Variants in XYLT1 observed in about 807,000 individuals in gnomAD.
The protein encoded by XYLT1 is beta-D-xylosyltransferase 1.
Under a neutral mutation model 91.3 loss-of-function variants are expected in XYLT1, and 36 were observed. The ratio of observed to expected loss-of-function variants is 0.39; its 90% CI spans 0.30 to 0.52. The LOEUF (loss-of-function observed/expected upper bound fraction) is 0.52, where lower values mean the gene tolerates loss of function less well. Ranked by LOEUF, XYLT1 falls within the 20% of genes least tolerant of loss-of-function variation. XYLT1 has a pLI of 0.68. For missense variants in XYLT1, 1,242 were observed against 1,284.5 expected, an observed-to-expected ratio of 0.97 and a Z score of 0.51; for synonymous variants, 588 against 532.0, an observed-to-expected ratio of 1.11 and a Z score of -1.45.
intron 1 of XYLT1, among the ~76,000 whole-genome samples, chr16:17,449,827 T>C (rs185777242): frequency 1.6e-4 from 25 of 152,334 alleles, no homozygotes; most frequent in Middle Eastern, 3.4e-3. Context: ...TGTTCTAGAA[T>C]ATCTTTGGCC....
chr16:17,393,871 G>A (rs2035852188), intron 1 of XYLT1, among the ~76,000 whole-genome samples: 1 of 152,018 alleles, frequency 6.6e-6, no homozygotes, highest in African/African-American at 2.4e-5. Flanking sequence ...CGCCTCCTGG[G>A]TTCACACCAT....
intron 2 of XYLT1, among the ~76,000 whole-genome samples, chr16:17,289,775 A>C (rs2034195202): frequency 6.6e-6 from 1 of 152,234 alleles, no homozygotes; most frequent in African/African-American, 2.4e-5. Context: ...AAAACAAAAC[A>C]AACGCAAACA....
chr16:17,142,290 G>A (rs1167483287), intron 6 of XYLT1, among the ~76,000 whole-genome samples: 4 of 152,184 alleles, frequency 2.6e-5, no homozygotes. Flanking sequence ...CTCTCAAAGT[G>A]CTGGGATTAT....
intron 3 of XYLT1, among the ~76,000 whole-genome samples, chr16:17,239,580 A>T: frequency 7.0e-6 from 1 of 141,896 alleles, no homozygotes; most frequent in Non-Finnish European, 1.5e-5. Context: ...CCATCCATCC[A>T]CTCACCTAGT....
intron 5 of XYLT1, among the ~76,000 whole-genome samples, chr16:17,176,767 A>T (rs754901893): frequency 6.6e-6 from 1 of 152,162 alleles, no homozygotes; most frequent in Non-Finnish European, 1.5e-5. Flanking sequence ...TATAATGTAC[A>T]TATCTACTAG....
intron 2 of XYLT1, among the ~76,000 whole-genome samples, chr16:17,274,729 A>G (rs1426958767): frequency 6.6e-6 from 1 of 152,154 alleles, no homozygotes; most frequent in East Asian, 1.9e-4. Context: ...AGACAAAGGA[A>G]AAAAGGGCTT....
chr16:17,133,964 G>C lies in XYLT1; in HGVS notation c.2027+509C>G, dbSNP rs372589969. Among the ~76,000 whole-genome samples the C allele has an allele frequency of 1.8e-4, 27 of 152,266 alleles. No homozygotes were observed. In the South Asian group the frequency reaches 5.6e-3, roughly 32 times the overall value. On this transcript the variant is annotated intron_variant, in intron 9 of 11. Coordinates refer to ENST00000261381, the MANE Select transcript of XYLT1 (RefSeq NM_022166.4). ...AGAGATACATTATTAAAATATTGAT[G>C]GCTGAAATGATAGGATGTCTGGGAT...
intron 1 of XYLT1, among the ~76,000 whole-genome samples, chr16:17,376,114 GTGCTTTCACGACC>G (rs1488116048): frequency 2.0e-5 from 3 of 152,252 alleles, no homozygotes; most frequent in Non-Finnish European, 4.4e-5. Context: ...CCATCCCACT[GTGCTTTCACGACC>G]TGGTGGCAGT....
intron 2 of XYLT1, among the ~76,000 whole-genome samples, chr16:17,311,933 A>G (rs1051219114): frequency 4.6e-5 from 7 of 152,150 alleles, no homozygotes; most frequent in Admixed American, 1.3e-4. Context: ...AATATAGGGG[A>G]AACTGCCCCG....
At chr16:17,248,554 G>T (rs1235772548) in intron 3 of XYLT1, among the ~76,000 whole-genome samples, 1 of 152,016 alleles carries the variant, frequency 6.6e-6, no homozygotes, top group Non-Finnish European at 1.5e-5. Flanking sequence ...CTCCCCTGTT[G>T]GTCTTGTGAG....
At chr16:17,140,658 C>CAAAAAAAAAAAAAA (rs71137974) in intron 7 of XYLT1, among the ~76,000 whole-genome samples, 6 of 68,028 alleles carry the variant, frequency 8.8e-5, no homozygotes, top group Middle Eastern at 0.01. Flanking sequence ...AAGACTGTCT[C>CAAAAAAAAAAAAAA]AAAAAAAAAA....
chr16:17,239,811 T>C (rs2033318063), intron 3 of XYLT1, among the ~76,000 whole-genome samples: 1 of 152,154 alleles, frequency 6.6e-6, no homozygotes, highest in East Asian at 1.9e-4. Flanking sequence ...CATTCATCCA[T>C]CCTTTCATCT....
intron 2 of XYLT1, among the ~76,000 whole-genome samples, chr16:17,261,319 A>G (rs550801629): frequency 6.6e-6 from 1 of 150,558 alleles, no homozygotes; most frequent in East Asian, 2.0e-4. Flanking sequence ...AATTTCTCCT[A>G]TTTGTTGGAG....
intron 3 of XYLT1, among the ~76,000 whole-genome samples, chr16:17,202,267 C>G (rs1477191020): frequency 6.6e-6 from 1 of 152,172 alleles, no homozygotes; most frequent in African/African-American, 2.4e-5. Flanking sequence ...GAGATGGAGA[C>G]TGTGGGGCTG....
chr16:17,247,320 A>G (rs756559216), intron 3 of XYLT1, among the ~76,000 whole-genome samples: 1 of 151,966 alleles, frequency 6.6e-6, no homozygotes, highest in African/African-American at 2.4e-5. Context: ...TGCTCTTCGA[A>G]TCTCCATTCT....
rs2030706179 is a variant in XYLT1 at position 17,136,032 on chromosome 16, GTTA to G, written c.1765-1300_1765-1298del. The stretch of plus-strand genomic sequence containing the variant: ...CTTGAGGAGCTTATTATTGTCTAGT[GTTA>G]TTATTGACCTAAAGTTGGGTCCAGC... On this transcript the variant is annotated intron_variant, in intron 8 of 11. Coordinates refer to ENST00000261381, the MANE Select transcript of XYLT1 (RefSeq NM_022166.4). Among the ~76,000 whole-genome samples, 4 of 152,190 alleles carry G rather than the reference GTTA, an allele frequency of 2.6e-5. No homozygotes were observed. The South Asian group carries it at 8.3e-4, about 32-fold the overall frequency.
intron 11 of XYLT1, 123 bp from the exon 12 acceptor site, chr16:17,109,140 A>C: frequency 2.0e-6 from 2 of 1,006,604 alleles, no homozygotes; most frequent in Non-Finnish European, 2.7e-6. Flanking sequence ...TCACATGACA[A>C]TCTCATGAGG....
chr16:17,169,220 C>A, intron 5 of XYLT1, among the ~76,000 whole-genome samples: 1 of 152,168 alleles, frequency 6.6e-6, no homozygotes, highest in East Asian at 1.9e-4. Flanking sequence ...CACGAGCATT[C>A]AGGGGAGGCT....
chr16:17,339,362 A>G (rs1246409397), intron 2 of XYLT1, among the ~76,000 whole-genome samples: 1 of 152,246 alleles, frequency 6.6e-6, no homozygotes, highest in East Asian at 1.9e-4. Context: ...CTTTGACACC[A>G]ACAGAAATTG....
Sources: allele counts gnomAD v4.1 joint callset (sites outside exome capture counted in the v4.1 genomes callset), GRCh38; gene constraint gnomAD v4.1.1; transcripts MANE v1.5; gene names NCBI Gene and HGNC (gene_info 2026-07-23, HGNC 2026-07-21).